The following NEK2 variants were observed in gnomAD, a reference collection of about 807,000 sequenced individuals.
The protein encoded by NEK2 is NIMA related kinase 2.
A neutral mutation model predicts 54.1 loss-of-function variants in NEK2; 28 were observed. That is an observed-to-expected ratio of 0.52 (90% CI 0.38 to 0.71). NEK2 has a LOEUF of 0.71. Ranked by LOEUF, NEK2 falls within the 30% of genes least tolerant of loss-of-function variation. The probability of loss-of-function intolerance (pLI) is 0.00; values close to 1 mark genes in which losing one functional copy is unlikely to be tolerated. For missense variants in NEK2, 407 were observed against 531.5 expected (o/e 0.77, Z 2.30); for synonymous variants, 176 against 193.1 (o/e 0.91, Z 0.73).
rs967005842 is a variant in NEK2 at position 211,666,163 on chromosome 1, C to T, written c.1111+943G>A. ...ATGGTTCACTGGTATATACGATAAC[C>T]ACATCTCAGTGCGGCAGAGTGAAGG... On this transcript the variant is annotated intron_variant, in intron 7 of 7. Coordinates refer to ENST00000366999, the MANE Select transcript of NEK2 (RefSeq NM_002497.4). 3.9e-5 allele frequency among the ~76,000 whole-genome samples: 6 copies of T among 152,160 alleles called. No homozygotes were observed. In the East Asian group the frequency reaches 9.6e-4, roughly 24 times the overall value.
At chr1:211,671,404 T>C (rs748284647) in intron 3 of NEK2, 120 bp from the exon 4 acceptor site, 4 of 653,854 alleles carry the variant, frequency 6.1e-6, no homozygotes, top group Non-Finnish European at 1.1e-5. Context: ...TTTTAGCTTA[T>C]ACTTTATCTT....
chr1:211,672,630 A>AAC (rs61660998), intron 3 of NEK2, among the ~76,000 whole-genome samples: 2 of 151,608 alleles, frequency 1.3e-5, no homozygotes, highest in African/African-American at 4.8e-5. Flanking sequence ...AAAAAAAAAA[A>AAC]CAGAGTTCAA....
intron 4 of NEK2, among the ~76,000 whole-genome samples, chr1:211,670,826 ATT>A (rs1553299336): frequency 6.6e-6 from 1 of 152,226 alleles, no homozygotes; most frequent in Non-Finnish European, 1.5e-5. Flanking sequence ...AAGGAAAAGA[ATT>A]GGAGCTCTTC....
rs768444644 is a variant in NEK2 at position 211,673,670 on chromosome 1, G to A, written c.368C>T (p.Ala123Val). The A allele has an allele frequency of 8.1e-6, 13 of 1,613,976 alleles. No individual in the cohort carries two copies. Among genetic ancestry groups the A allele is most frequent in the Non-Finnish European group, 1.1e-5 (13 of 1,180,024 alleles). ...VLRVMTQLTL[A>V]LKECHRRSDG... ...ACTTCGTCTGTGGCATTCCTTCAGG[G>A]CCAGAGTCAACTGAGTCATCACTCG... The change falls in exon 3 of 8, where the codon GCC (alanine) becomes GTC (valine). Residue 123 changes from alanine (A) to valine (V), a missense_variant. Ala to Val is a moderately conservative substitution (Grantham distance 64). Transcript: ENST00000366999.
downstream of NEK2, chr1:211,660,327 C>A: frequency 2.0e-6 from 1 of 493,104 alleles, no homozygotes; most frequent in Non-Finnish European, 4.0e-6. Context: ...ACACGGCCAG[C>A]AGATCTAGCT....
At chr1:211,670,550 G>A in intron 4 of NEK2, 143 bp from the exon 5 acceptor site, 1 of 979,186 alleles carries the variant, frequency 1.0e-6, no homozygotes, top group Non-Finnish European at 1.5e-6. Flanking sequence ...CTTCTTATAA[G>A]TAAGTTTCCC....
Position 211,673,740 on chromosome 1 carries a change from T to C in NEK2, c.315-17A>G. 6.2e-7 allele frequency: 1 copy of C among 1,612,416 alleles called. No homozygotes were observed. Among genetic ancestry groups the C allele is most frequent in the Non-Finnish European group, 8.5e-7 (1 of 1,178,472 alleles). ...AAGTATTGCCTAAAACCAAAGCAGTTATACAGCATATAACTTCTAAAAAAA... is the reference window on the plus strand; with the variant it reads ...AAGTATTGCCTAAAACCAAAGCAGTCATACAGCATATAACTTCTAAAAAAA... On this transcript the variant is annotated splice_polypyrimidine_tract_variant and intron_variant, in intron 2 of 7. Transcript: ENST00000366999.
chr1:211,664,660 T>G (rs968250689), intron 7 of NEK2, among the ~76,000 whole-genome samples: 7 of 152,204 alleles, frequency 4.6e-5, no homozygotes, highest in Non-Finnish European at 8.8e-5. Flanking sequence ...TGCACTGCCT[T>G]CCAAGGGTCC....
chr1:211,661,007 G>A, downstream of NEK2: 2 of 741,056 alleles, frequency 2.7e-6, no homozygotes, highest in African/African-American at 1.7e-5. Flanking sequence ...AGGGCCCGCT[G>A]GAAACTATCA....
intron 6 of NEK2, among the ~76,000 whole-genome samples, chr1:211,668,695 C>T (rs1013154999): frequency 2.6e-5 from 4 of 152,040 alleles, no homozygotes; most frequent in African/African-American, 9.7e-5. Context: ...GGTTTTAGAC[C>T]TGGAATTCTG....
At position 211,673,564 on chromosome 1, in the gene NEK2, T is replaced by C. The variant is rs1401746727; in HGVS notation, c.474A>G (p.Gly158=). 3 of 1,613,978 alleles carry C rather than the reference T, an allele frequency of 1.9e-6. No individual in the cohort carries two copies. The African/African-American group carries it at 4.0e-5, about 22-fold the overall frequency. The change falls in exon 3 of 8, where the codon GGA becomes GGG. Residue 158 remains glycine (G), a synonymous_variant. Coordinates refer to ENST00000366999, the MANE Select transcript of NEK2 (RefSeq NM_002497.4). ...FLDGKQNVKL[G]DFGLARILNH... is the part of the protein sequence containing the mutation. ...TTAATATTCTAGCTAGCCCAAAGTC[T>C]CCAAGCTTGACGTTTTGCTTGCCAT...
At chr1:211,672,172 A>G (rs992138831) in intron 3 of NEK2, among the ~76,000 whole-genome samples, 2 of 152,264 alleles carry the variant, frequency 1.3e-5, no homozygotes, top group Non-Finnish European at 2.9e-5. Context: ...AATACTAACA[A>G]ATATTTCTTC....
At chr1:211,670,656 C>T (rs1188440952) in intron 4 of NEK2, among the ~76,000 whole-genome samples, 1 of 152,150 alleles carries the variant, frequency 6.6e-6, no homozygotes, top group Non-Finnish European at 1.5e-5. Context: ...CTGCCCTCTA[C>T]CCTCTAGATG....
chr1:211,666,007 CCA>C (rs1655167135), intron 7 of NEK2, among the ~76,000 whole-genome samples: 1 of 152,126 alleles, frequency 6.6e-6, no homozygotes, highest in Non-Finnish European at 1.5e-5. Flanking sequence ...ATTTTTGAAA[CCA>C]ACAACTTTTA....
Position 211,673,586 on chromosome 1 carries a change from C to T in NEK2, c.452G>A (p.Gly151Asp). 1 of 1,614,020 alleles carries T rather than the reference C, an allele frequency of 6.2e-7. No homozygotes were observed. Among genetic ancestry groups the T allele is most frequent in the East Asian group, 2.2e-5 (1 of 44,892 alleles). ...GTCTCCAAGCTTGACGTTTTGCTTG[C>T]CATCCAGGAAAACATTGGCTGGTTT... is the stretch of plus-strand genomic sequence containing the variant. ...DLKPANVFLD[G>D]KQNVKLGDFG... The change falls in exon 3 of 8, where the codon GGC (glycine) becomes GAC (aspartate). Residue 151 changes from glycine (G) to aspartate (D), a missense_variant. Gly to Asp is a moderately conservative substitution (Grantham distance 94). Transcript: ENST00000366999.
intron 1 of NEK2, among the ~76,000 whole-genome samples, chr1:211,674,959 G>A (rs1443354529): frequency 6.6e-6 from 1 of 152,158 alleles, no homozygotes; most frequent in African/African-American, 2.4e-5. Flanking sequence ...ATATACATTG[G>A]GAAATATGAA....
chr1:211,666,456 T>C (rs1242361788), intron 7 of NEK2: 1 of 949,432 alleles, frequency 1.1e-6, no homozygotes, highest in African/African-American at 1.8e-5. Flanking sequence ...ATGCAGTTTA[T>C]CTCTCTGAAA....
At chr1:211,662,581 CCT>C (rs1193010991), downstream of NEK2, among the ~76,000 whole-genome samples, 1 of 152,088 alleles carries the variant, frequency 6.6e-6, no homozygotes, top group Non-Finnish European at 1.5e-5. This position sits in a 1 kb window ranked among gnomAD's most constrained non-coding sequence, Gnocchi z 4.2. Flanking sequence ...GCAAAATCAC[CCT>C]GTTAAGGACC....
intron 7 of NEK2, among the ~76,000 whole-genome samples, chr1:211,665,506 A>G (rs921193585): frequency 2.0e-5 from 3 of 152,208 alleles, no homozygotes; most frequent in East Asian, 3.8e-4. Context: ...GCCATCCCCA[A>G]CAGGGTCTTA....
Sources: gnomAD v4.1 joint callset for allele counts (sites outside exome capture counted in the v4.1 genomes callset) on GRCh38, gnomAD v4.1.1 for gene constraint, Gnocchi (gnomAD v3.1) non-coding constraint, MANE v1.5 for transcripts, NCBI Gene and HGNC (gene_info 2026-07-23, HGNC 2026-07-21) for gene names.